The following PPP3CA variants were observed in gnomAD, a reference collection of about 807,000 sequenced individuals.
The protein encoded by PPP3CA is CAM-PRP catalytic subunit.
Under a neutral mutation model 66.5 loss-of-function variants are expected in PPP3CA, and 14 were observed. That is an observed-to-expected ratio of 0.21 (90% CI 0.14 to 0.33). The LOEUF (loss-of-function observed/expected upper bound fraction) is 0.33. Among genes scored for constraint, PPP3CA ranks in the 10% least tolerant of loss-of-function variants. The pLI is 1.00. For synonymous variants in PPP3CA, 232 were observed against 226.2 expected, an observed-to-expected ratio of 1.03 and a Z score of -0.23; for missense variants, 317 against 639.5, an observed-to-expected ratio of 0.50 and a Z score of 5.44.
chr4:101,254,094 A>G (rs900527244), intron 1 of PPP3CA, among the ~76,000 whole-genome samples: 3 of 152,054 alleles, frequency 2.0e-5, no homozygotes, highest in Non-Finnish European at 4.4e-5. Flanking sequence ...CATATATCCA[A>G]AGAGGCCAAG....
intron 2 of PPP3CA, among the ~76,000 whole-genome samples, chr4:101,158,965 A>C (rs1057009864): frequency 2.0e-5 from 3 of 152,232 alleles, no homozygotes; most frequent in Non-Finnish European, 4.4e-5. Flanking sequence ...TAAGGCTCAA[A>C]AATTATTAAG....
intron 2 of PPP3CA, among the ~76,000 whole-genome samples, chr4:101,138,447 G>A (rs1722692282): frequency 6.6e-6 from 1 of 152,140 alleles, no homozygotes; most frequent in African/African-American, 2.4e-5. Context: ...ATAAATGGTA[G>A]CTATTATTAC....
intron 2 of PPP3CA, among the ~76,000 whole-genome samples, chr4:101,167,070 C>T (rs1450097215): frequency 6.6e-6 from 1 of 152,158 alleles, no homozygotes; most frequent in African/African-American, 2.4e-5. Context: ...ACTCCAAATT[C>T]CATTCTCTTA....
At chr4:101,102,374 A>G (rs1217007323) in intron 3 of PPP3CA, among the ~76,000 whole-genome samples, 1 of 152,122 alleles carries the variant, frequency 6.6e-6, no homozygotes, top group South Asian at 2.1e-4. Flanking sequence ...ATATAACTCA[A>G]TTTCTAAATT....
chr4:101,216,045 C>T (rs1578562061), intron 1 of PPP3CA, among the ~76,000 whole-genome samples: 2 of 152,076 alleles, frequency 1.3e-5, no homozygotes, highest in African/African-American at 4.8e-5. Context: ...AGAGAAAGTC[C>T]CTAAATCTTA....
intron 1 of PPP3CA, among the ~76,000 whole-genome samples, chr4:101,283,118 C>A (rs1343076137): frequency 1.3e-5 from 2 of 152,200 alleles, no homozygotes; most frequent in Non-Finnish European, 2.9e-5. Context: ...AGTTTTCTCA[C>A]AAATTATTAG....
In PPP3CA at chr4:101,236,959, CAT is replaced by C. The variant is rs1282366962; in HGVS notation, c.59-40845_59-40844del. Among the ~76,000 whole-genome samples, 5 of 151,012 alleles carry C rather than the reference CAT, an allele frequency of 3.3e-5. No individual in the cohort carries two copies. In the South Asian group the frequency reaches 1.1e-3, roughly 32 times the overall value. ...AATGGCGATAATAGAGCATTTATCTCATAGAGATATTATGAAGATTAAATTAC... is the reference window on the plus strand; with the variant it reads ...AATGGCGATAATAGAGCATTTATCTCAGAGATATTATGAAGATTAAATTAC... On this transcript the variant is annotated intron_variant, in intron 1 of 13. Transcript: ENST00000394854.
At chr4:101,220,285 T>C (rs1725582704) in intron 1 of PPP3CA, among the ~76,000 whole-genome samples, 1 of 128,712 alleles carries the variant, frequency 7.8e-6, no homozygotes, top group African/African-American at 3.0e-5. Flanking sequence ...TTTTTCAGAA[T>C]TACTTGACAG....
At chr4:101,327,962 G>A (rs963499027) in intron 1 of PPP3CA, among the ~76,000 whole-genome samples, 1 of 152,024 alleles carries the variant, frequency 6.6e-6, no homozygotes, top group African/African-American at 2.4e-5. Context: ...TTGAAGTTCA[G>A]GGTCCACAAA....
rs70961788 is a variant in PPP3CA, at chr4:101,333,270, G to GTTTTTTTTTTTTTTT, written c.58+13454_58+13468dup. 3.8e-4 allele frequency among the ~76,000 whole-genome samples: 18 copies of GTTTTTTTTTTTTTTT among 47,270 alleles called. 5 individuals carry two copies. Among genetic ancestry groups the GTTTTTTTTTTTTTTT allele is most frequent in the South Asian group, 8.2e-4 (1 of 1,218 alleles). The allele number at this position is 47,270 out of a possible 152,430, so 31.0% of individuals were successfully genotyped here. ...CTACAGGCATGCACTACCATGCCCA[G>GTTTTTTTTTTTTTTT]TTTTTTTTTTTTTTTTTTTTTTTTT... On this transcript the variant is annotated intron_variant, in intron 1 of 13. Coordinates refer to ENST00000394854, the MANE Select transcript of PPP3CA (RefSeq NM_000944.5).
intron 7 of PPP3CA, 30 bp from the exon 8 acceptor site, chr4:101,080,656 G>C: frequency 7.7e-7 from 1 of 1,294,448 alleles, no homozygotes; most frequent in Non-Finnish European, 1.1e-6. Flanking sequence ...TCAAAACAAA[G>C]CTTGTATGGA....
chr4:101,026,635 G>GCAA (rs1440824852), intron 13 of PPP3CA, among the ~76,000 whole-genome samples: 1 of 147,638 alleles, frequency 6.8e-6, no homozygotes, highest in East Asian at 1.9e-4. Flanking sequence ...TTCTTGACAA[G>GCAA]CAACTCAATG....
Position 101,249,475 on chromosome 4 carries a change from CGT to C in PPP3CA, c.59-53361_59-53360del, listed in dbSNP as rs543768301. ...TTTTCACCCATTGCAAAAGGAAAGA[CGT>C]GTGTGTGTGTGTTTTTTAGTACATT... On this transcript the variant is annotated intron_variant, in intron 1 of 13. Transcript: ENST00000394854. Among the ~76,000 whole-genome samples, 607 of 151,476 alleles carry C rather than the reference CGT, an allele frequency of 4.0e-3. 1 individual carries two copies. The highest frequency in any genetic ancestry group is 7.0e-3 in the Non-Finnish European group (477 of 67,840).
chr4:101,313,698 A>T (rs992695599), intron 1 of PPP3CA, among the ~76,000 whole-genome samples: 1 of 152,232 alleles, frequency 6.6e-6, no homozygotes, highest in African/African-American at 2.4e-5. Context: ...CTGTCAACTC[A>T]GGAGTCCCAT....
chr4:101,231,646 C>A (rs1377070487), intron 1 of PPP3CA, among the ~76,000 whole-genome samples: 2 of 151,694 alleles, frequency 1.3e-5, no homozygotes, highest in East Asian at 1.9e-4. Flanking sequence ...GTATCCTTTA[C>A]AAATGCATTA....
At chr4:101,229,929 G>A (rs1725906754) in intron 1 of PPP3CA, among the ~76,000 whole-genome samples, 1 of 151,398 alleles carries the variant, frequency 6.6e-6, no homozygotes, top group African/African-American at 2.4e-5. Flanking sequence ...CAAGAGATTG[G>A]AAAAAGAGAG....
intron 1 of PPP3CA, among the ~76,000 whole-genome samples, chr4:101,241,585 T>C (rs1726312030): frequency 6.6e-6 from 1 of 152,136 alleles, no homozygotes; most frequent in Non-Finnish European, 1.5e-5. Flanking sequence ...ATAGCCAATA[T>C]TAATCCAATG....
chr4:101,312,303 C>T (rs989923465), intron 1 of PPP3CA, among the ~76,000 whole-genome samples: 2 of 151,848 alleles, frequency 1.3e-5, no homozygotes, highest in Non-Finnish European at 2.9e-5. Context: ...GACATTACAT[C>T]GCAATAAAAT....
At chr4:101,171,347 T>C in intron 2 of PPP3CA, 1 of 208,980 alleles carries the variant, frequency 4.8e-6, no homozygotes. Context: ...TGAACAATTC[T>C]TTCAAAAAAA....
Sources: gnomAD v4.1 joint callset for allele counts (sites outside exome capture counted in the v4.1 genomes callset) on GRCh38, gnomAD v4.1.1 for gene constraint, MANE v1.5 for transcripts, NCBI Gene and HGNC (gene_info 2026-07-23, HGNC 2026-07-21) for gene names.